Variants in SEMA5A observed in about 807,000 individuals in gnomAD.
SEMA5A encodes the protein semaphorin-5A.
A neutral mutation model predicts 135.5 loss-of-function variants in SEMA5A; 55 were observed. That is an observed-to-expected ratio of 0.41 (90% CI 0.33 to 0.51). The LOEUF is 0.51. Among genes scored for constraint, SEMA5A ranks in the 20% least tolerant of loss-of-function variants. The pLI, the probability that SEMA5A is intolerant of heterozygous loss-of-function variation, is 0.37. For synonymous variants in SEMA5A, 580 were observed against 546.5 expected (o/e 1.06, Z -0.85); for missense variants, 1,290 against 1,419.9 (o/e 0.91, Z 1.47).
chr5:9,151,282 A>C (rs907187154), intron 12 of SEMA5A, among the ~76,000 whole-genome samples: 2 of 152,216 alleles, frequency 1.3e-5, no homozygotes, highest in Non-Finnish European at 2.9e-5. Flanking sequence ...ACATGTAAAC[A>C]TGATTTAGAA....
intron 16 of SEMA5A, among the ~76,000 whole-genome samples, chr5:9,076,270 G>A (rs949732887): frequency 2.0e-5 from 3 of 150,562 alleles, no homozygotes; most frequent in Non-Finnish European, 2.9e-5. Context: ...AAATGGAGCT[G>A]AAGGTCACTA....
intron 1 of SEMA5A, among the ~76,000 whole-genome samples, chr5:9,502,847 A>G (rs1039658996): frequency 4.6e-5 from 7 of 152,202 alleles, no homozygotes; most frequent in Admixed American, 1.3e-4. Context: ...CGGAGAAGGA[A>G]GAAGGAAAGG....
chr5:9,115,129 T>A (rs1344189812), intron 15 of SEMA5A, among the ~76,000 whole-genome samples: 1 of 152,184 alleles, frequency 6.6e-6, no homozygotes, highest in African/African-American at 2.4e-5. Context: ...AGGCCCATAA[T>A]GTTTTTAAGA....
intron 1 of SEMA5A, among the ~76,000 whole-genome samples, chr5:9,461,963 C>T (rs1468802261): frequency 2.0e-5 from 3 of 152,156 alleles, no homozygotes; most frequent in African/African-American, 7.2e-5. Context: ...ATCAAAGAGA[C>T]ACTGAAACTG....
At chr5:9,532,472 G>C (rs3965379) in intron 1 of SEMA5A, among the ~76,000 whole-genome samples, 3 of 136,546 alleles carry the variant, frequency 2.2e-5, no homozygotes, top group African/African-American at 8.2e-5. Context: ...ATTTTTAGTA[G>C]AGACGGGGTT....
chr5:9,103,197 C>T (rs1414106714), intron 16 of SEMA5A, among the ~76,000 whole-genome samples: 1 of 152,124 alleles, frequency 6.6e-6, no homozygotes, highest in Non-Finnish European at 1.5e-5. Flanking sequence ...AACTGGTTTT[C>T]TACAGGTCTC....
chr5:9,052,174 T>C, intron 19 of SEMA5A, 146 bp from the exon 20 acceptor site: 7 of 878,262 alleles, frequency 8.0e-6, no homozygotes, highest in Non-Finnish European at 1.2e-5. Flanking sequence ...TAAGATGTAG[T>C]TGTATCATCT....
chr5:9,163,855 C>T (rs984903021), intron 11 of SEMA5A, among the ~76,000 whole-genome samples: 2 of 151,732 alleles, frequency 1.3e-5, no homozygotes, highest in Non-Finnish European at 2.9e-5. Context: ...TCAGGAGAAA[C>T]CAAACCTGCC....
chr5:9,519,371 G>A (rs1736692620), intron 1 of SEMA5A, among the ~76,000 whole-genome samples: 1 of 152,210 alleles, frequency 6.6e-6, no homozygotes. Flanking sequence ...GTTTTCTTCA[G>A]ATGGCATCAA....
chr5:9,517,409 T>A (rs1736589874), intron 1 of SEMA5A: 1 of 152,186 alleles, frequency 6.6e-6, no homozygotes, highest in South Asian at 2.1e-4. Flanking sequence ...GGCATCAGTA[T>A]TATCTGGAAA....
At chr5:9,202,387 G>C in intron 8 of SEMA5A, 147 bp from the exon 9 acceptor site, 24 of 548,326 alleles carry the variant, frequency 4.4e-5, no homozygotes, top group South Asian at 3.5e-4. Context: ...CCCGTGAGCA[G>C]CTTAATGATC....
intron 5 of SEMA5A, among the ~76,000 whole-genome samples, chr5:9,276,076 CA>C (rs1750246945): frequency 6.6e-6 from 1 of 152,164 alleles, no homozygotes; most frequent in Non-Finnish European, 1.5e-5. Context: ...CATCTCAGCC[CA>C]AAATCTCCTT....
At chr5:9,348,970 T>C (rs2150745307) in intron 3 of SEMA5A, among the ~76,000 whole-genome samples, 1 of 152,368 alleles carries the variant, frequency 6.6e-6, no homozygotes, top group South Asian at 2.1e-4. Flanking sequence ...AAAATCTCTT[T>C]CTGTCACATT....
At chr5:9,366,446 T>C (rs1333108504) in intron 3 of SEMA5A, among the ~76,000 whole-genome samples, 3 of 151,868 alleles carry the variant, frequency 2.0e-5, no homozygotes, top group Non-Finnish European at 4.4e-5. Flanking sequence ...TGAAGTGCAG[T>C]GGTGCGATCT....
chr5:9,362,039 C>G (rs1754720544), intron 3 of SEMA5A, among the ~76,000 whole-genome samples: 1 of 152,136 alleles, frequency 6.6e-6, no homozygotes, highest in African/African-American at 2.4e-5. Context: ...GCTTGAGGCC[C>G]CAGTTTCGTC....
At chr5:9,115,049 A>G (rs1740441359) in intron 15 of SEMA5A, among the ~76,000 whole-genome samples, 2 of 152,204 alleles carry the variant, frequency 1.3e-5, no homozygotes, top group African/African-American at 4.8e-5. Flanking sequence ...CAAGGTAGAG[A>G]AGAGCTAACT....
In SEMA5A at chr5:9,037,824, T is replaced by G. The variant is rs1735734095; in HGVS notation, c.*5073A>C. ...GTTTAAAAAAAAATCTTTAAATCCA[T>G]TATAATTAATGACCTCAATAGGGCA... On this transcript the variant is annotated 3_prime_UTR_variant, in exon 23 of 23. Coordinates refer to ENST00000382496, the MANE Select transcript of SEMA5A (RefSeq NM_003966.3). 6.6e-6 allele frequency: 1 copy of G among 152,188 alleles called. No individual in the cohort carries two copies. Among genetic ancestry groups the G allele is most frequent in the Non-Finnish European group, 1.5e-5 (1 of 68,030 alleles). The allele number at this position is 152,188 out of a possible 1,614,324, so 9.4% of individuals were successfully genotyped here.
chr5:9,193,340 C>T (rs147037710), intron 10 of SEMA5A, among the ~76,000 whole-genome samples: 21 of 152,334 alleles, frequency 1.4e-4, no homozygotes, highest in African/African-American at 4.8e-4. Flanking sequence ...AGTAAAAGCA[C>T]AGCCATTGCT....
In SEMA5A at chr5:9,042,709, A is replaced by ATGTCT. The variant is rs1713507434; in HGVS notation, c.*183_*187dup. On this transcript the variant is annotated 3_prime_UTR_variant, in exon 23 of 23. Transcript: ENST00000382496. ...TTCAACAATGGTCAAGATTTTCACGATGTCTTATTTCAATTTTTGTTGCTT... is the reference window on the plus strand; with the variant it reads ...TTCAACAATGGTCAAGATTTTCACGATGTCTTGTCTTATTTCAATTTTTGTTGCTT... The ATGTCT allele has an allele frequency of 5.0e-6, 3 of 605,862 alleles. No homozygotes were observed. Among genetic ancestry groups the ATGTCT allele is most frequent in the Non-Finnish European group, 5.6e-6 (2 of 355,262 alleles). 37.5% of individuals were successfully genotyped at this position (605,862 alleles called of 1,614,324 possible). A position where few individuals can be genotyped will look rare whatever the true frequency, so the allele number is the denominator to read the frequency against.
Sources: gnomAD v4.1 joint callset for allele counts (sites outside exome capture counted in the v4.1 genomes callset) on GRCh38, gnomAD v4.1.1 for gene constraint, MANE v1.5 for transcripts, NCBI Gene and HGNC (gene_info 2026-07-23, HGNC 2026-07-21) for gene names.